Variants in SAMD11 observed in about 807,000 individuals in gnomAD.
The protein encoded by SAMD11 is sterile alpha motif domain containing 11.
Under a neutral mutation model 64.4 loss-of-function variants are expected in SAMD11, and 77 were observed. That is an observed-to-expected ratio of 1.20 (90% CI 0.99 to 1.44). SAMD11 has a LOEUF of 1.44. Ranked by LOEUF, SAMD11 falls within the 40% of genes most tolerant of loss-of-function variation. SAMD11 has a pLI of 0.00. For synonymous variants in SAMD11, 658 were observed against 421.9 expected (o/e 1.56, Z -6.86); for missense variants, 1,402 against 943.3 (o/e 1.49, Z -6.37).
In SAMD11 at chr1:942,127, C is replaced by T. The variant is rs530087426; in HGVS notation, c.1359-9C>T. On this transcript the variant is annotated splice_polypyrimidine_tract_variant and intron_variant, in intron 8 of 13. Coordinates refer to ENST00000616016, the MANE Select transcript of SAMD11 (RefSeq NM_001385641.1). ...GGGGGGACGCCGCTCATTGCGCTGC[C>T]GTCCACAGGGAGCTGCCTCAGCCGC... The T allele has an allele frequency of 8.8e-5, 102 of 1,155,004 alleles. No homozygotes were observed. The East Asian group carries it at 2.2e-3, about 25-fold the overall frequency. 71.5% of individuals were successfully genotyped at this position (1,155,004 alleles called of 1,614,324 possible).
chr1:933,323 C>T lies in SAMD11; in HGVS notation c.842+2234C>T, dbSNP rs563796973. On this transcript the variant is annotated intron_variant, in intron 4 of 13. Coordinates refer to ENST00000616016, the MANE Select transcript of SAMD11 (RefSeq NM_001385641.1). Reference sequence around the variant, plus strand: ...GGGGCCGGGCCAGGCCAGGCTGTGTCGGAACCTCAGGAGCAAACTCCAAGG... The same window carrying T: ...GGGGCCGGGCCAGGCCAGGCTGTGTTGGAACCTCAGGAGCAAACTCCAAGG... 1.2e-3 allele frequency among the ~76,000 whole-genome samples: 186 copies of T among 152,322 alleles called. 1 individual carries two copies. The highest frequency in any genetic ancestry group is 2.2e-3 in the Non-Finnish European group (150 of 68,016).
chr1:930,397 C>T, intron 3 of SAMD11, 61 bp downstream of exon 3: 1 of 1,501,312 alleles, frequency 6.7e-7, no homozygotes, highest in Non-Finnish European at 9.0e-7. Flanking sequence ...AGCTTCAGGC[C>T]TTCAGCTGCT....
intron 4 of SAMD11, among the ~76,000 whole-genome samples, chr1:932,898 G>C (rs1373028120): frequency 6.6e-6 from 1 of 152,244 alleles, no homozygotes; most frequent in Non-Finnish European, 1.5e-5. Flanking sequence ...CTCTCTCCTG[G>C]GCCCCTGAGC....
intron 7 of SAMD11, among the ~76,000 whole-genome samples, chr1:939,818 G>A (rs1014549390): frequency 3.3e-5 from 5 of 152,138 alleles, no homozygotes; most frequent in Non-Finnish European, 7.4e-5. Context: ...TGCCCCAGGA[G>A]CCTGGGGAGG....
At position 943,270 on chromosome 1, in the gene SAMD11, T is replaced by C. The variant is rs1370260720; in HGVS notation, c.2071T>C (p.Ser691Pro). 3 of 1,612,656 alleles carry C rather than the reference T, an allele frequency of 1.9e-6. No homozygotes were observed. The highest frequency in any genetic ancestry group is 2.5e-6 in the Non-Finnish European group (3 of 1,179,818). The change falls in exon 12 of 14, where the codon TCC becomes CCC. Residue 691 changes from serine (S) to proline (P), a missense_variant. Ser to Pro is a moderately conservative substitution (Grantham distance 74). Transcript: ENST00000616016. The stretch of plus-strand genomic sequence containing the variant: ...CAACTCAGGCGCGGTAGGGGGACTC[T>C]CCATGGATGGGGAGGAGGCCCCAGC... ...YFHTGAVGGL[S>P]MDGEEAPAPE...
In SAMD11 at chr1:944,197, C is replaced by T. The variant is rs975246905; in HGVS notation, c.*44C>T. ...TGGGGCCACACAAATCTCCAGGAGC[C>T]ACCACTCAACACAATGGCCCTGCCT... On this transcript the variant is annotated 3_prime_UTR_variant, in exon 14 of 14. Transcript: ENST00000616016. 1.3e-6 allele frequency: 2 copies of T among 1,498,268 alleles called. No homozygotes were observed. The highest frequency in any genetic ancestry group is 1.8e-6 in the Non-Finnish European group (2 of 1,124,380). The allele number at this position is 1,498,268 out of a possible 1,614,324, so 92.8% of individuals were successfully genotyped here.
rs758965779 is a variant in SAMD11 at position 944,064 on chromosome 1, G to A, written c.2446G>A (p.Ala816Thr). 1.5e-5 allele frequency: 24 copies of A among 1,612,528 alleles called. No homozygotes were observed. The highest frequency in any genetic ancestry group is 6.7e-5 in the African/African-American group (5 of 74,880). ...TATSPYGGGH[A>T]LAGQTSPKQE... ...CACGTCCCCCTATGGAGGGGGCCACGCCCTTGCCGGTCAAACTTCACCCAA... is the reference window on the plus strand; with the variant it reads ...CACGTCCCCCTATGGAGGGGGCCACACCCTTGCCGGTCAAACTTCACCCAA... The change falls in exon 14 of 14, where the codon GCC becomes ACC. Residue 816 changes from alanine (A) to threonine (T), a missense_variant. Coordinates refer to ENST00000616016, the MANE Select transcript of SAMD11 (RefSeq NM_001385641.1).
At position 933,985 on chromosome 1, in the gene SAMD11, AGGC is replaced by A. The variant is rs1310072392; in HGVS notation, c.843-1783_843-1781del. ...CTGCTCCGTTACAGGTGGGCAGGGG[AGGC>A]GGCTGCGTTACAGGTGGGCAGGGGA... On this transcript the variant is annotated intron_variant, in intron 4 of 13. Coordinates refer to ENST00000616016, the MANE Select transcript of SAMD11 (RefSeq NM_001385641.1). 8.8e-3 allele frequency among the ~76,000 whole-genome samples: 1,306 copies of A among 148,130 alleles called. 599 individuals carry two copies. The highest frequency in any genetic ancestry group is 0.021 in the African/African-American group (796 of 38,818).
Position 943,044 on chromosome 1 carries a change from C to G in SAMD11, c.2039C>G (p.Pro680Arg). The G allele has an allele frequency of 6.5e-7, 1 of 1,531,898 alleles. No homozygotes were observed. 94.9% of individuals were successfully genotyped at this position (1,531,898 alleles called of 1,614,324 possible). The change falls in exon 11 of 14, where the codon CCC becomes CGC. Residue 680 changes from proline to arginine, a missense_variant. Pro to Arg is a moderately radical substitution (Grantham distance 103). Coordinates refer to ENST00000616016, the MANE Select transcript of SAMD11 (RefSeq NM_001385641.1). ...LPLGFPYAVSPYFHTGAVGGL... is the reference protein window; with the variant it reads ...LPLGFPYAVSRYFHTGAVGGL... ...CTGGGCTTCCCTTATGCCGTCAGCCCCTACTTCCACACAGGTGGGCACCCC... is the reference window on the plus strand; with the variant it reads ...CTGGGCTTCCCTTATGCCGTCAGCCGCTACTTCCACACAGGTGGGCACCCC...
chr1:932,775 A>C (rs1641230157), intron 4 of SAMD11, among the ~76,000 whole-genome samples: 1 of 152,188 alleles, frequency 6.6e-6, no homozygotes, highest in Non-Finnish European at 1.5e-5. Flanking sequence ...CTGGCTCTGC[A>C]GTGACCACCT....
Position 944,363 on chromosome 1 carries a change from C to CG in SAMD11, c.*212dup, listed in dbSNP as rs368317021. On this transcript the variant is annotated 3_prime_UTR_variant, in exon 14 of 14. Coordinates refer to ENST00000616016, the MANE Select transcript of SAMD11 (RefSeq NM_001385641.1). ...GGTGCAGATGGACGAGGTCTGCAGA[C>CG]GGAGGGCAGAGGTGGTGGAAGGGGC... The CG allele has an allele frequency of 2.0e-4, 275 of 1,359,110 alleles. No individual in the cohort carries two copies. The African/African-American group carries it at 3.8e-3, about 19-fold the overall frequency. 84.2% of individuals were successfully genotyped at this position (1,359,110 alleles called of 1,614,324 possible). A position where few individuals can be genotyped will look rare whatever the true frequency, so the allele number is the denominator to read the frequency against.
In SAMD11 at chr1:931,144, C is replaced by CCCTT. The variant is rs879745970; in HGVS notation, c.842+57_842+58insTTCC. On this transcript the variant is annotated intron_variant, in intron 4 of 13. Coordinates refer to ENST00000616016, the MANE Select transcript of SAMD11 (RefSeq NM_001385641.1). ...GGGGCCGTGACTCCCCTCCCTCCCT[C>CCCTT]CCACCCCTGACCGTGCCCTGCTGTC... is the stretch of plus-strand genomic sequence containing the variant. The CCCTT allele has an allele frequency of 2.2e-4, 334 of 1,521,162 alleles. 2 individuals carry two copies. The highest frequency in any genetic ancestry group is 2.8e-4 in the Non-Finnish European group (310 of 1,107,044). The allele number at this position is 1,521,162 out of a possible 1,614,324, so 94.2% of individuals were successfully genotyped here. A position where few individuals can be genotyped will look rare whatever the true frequency, so the allele number is the denominator to read the frequency against.
At chr1:929,235 G>A (rs9988193) in intron 2 of SAMD11, among the ~76,000 whole-genome samples, 3,225 of 152,318 alleles carry the variant, frequency 0.021, 117 homozygotes, top group Admixed American at 0.089. Flanking sequence ...CTCGGGGCTC[G>A]GCTGTGCTCT....
intron 8 of SAMD11, 86 bp from the exon 9 acceptor site, chr1:942,050 T>G: frequency 2.2e-6 from 1 of 451,454 alleles, no homozygotes. Flanking sequence ...GGGCCGGCAA[T>G]TAGCGGAGGC....
intron 2 of SAMD11, among the ~76,000 whole-genome samples, chr1:926,421 C>G (rs1397913007): frequency 6.6e-6 from 1 of 152,188 alleles, no homozygotes; most frequent in Admixed American, 6.5e-5. Flanking sequence ...GATTCTGGGA[C>G]GACAGCATTT....
rs574517367 is a variant in SAMD11 at position 943,045 on chromosome 1, C to T, written c.2040C>T (p.Pro680=). 2.2e-5 allele frequency: 33 copies of T among 1,532,428 alleles called. No homozygotes were observed. The South Asian group carries it at 3.8e-4, about 18-fold the overall frequency. The allele number at this position is 1,532,428 out of a possible 1,614,324, so 94.9% of individuals were successfully genotyped here. Residue 680 remains proline, a synonymous_variant, in exon 11 of 14, where the codon CCC becomes CCT. Transcript: ENST00000616016. ...TGGGCTTCCCTTATGCCGTCAGCCC[C>T]TACTTCCACACAGGTGGGCACCCCC... The part of the protein sequence containing the change: ...LPLGFPYAVS[P]YFHTGAVGGL...
intron 1 of SAMD11, 42 bp from the exon 2 acceptor site, chr1:925,880 C>T (rs1217131058): frequency 2.1e-6 from 3 of 1,448,748 alleles, no homozygotes; most frequent in African/African-American, 1.4e-5. Flanking sequence ...CGCGCAGAAG[C>T]GTGCCGCTCC....
rs1173034140 is a variant in SAMD11 at position 942,888 on chromosome 1, C to A, written c.1883C>A (p.Pro628His). ...LWAQDGSEDE[P>H]PKDSDGEDPE... is the part of the protein sequence containing the mutation. ...GCACAAGATGGCTCGGAAGACGAGC[C>A]CCCCAAAGACTCGGACGGAGAGGAC... The change falls in exon 11 of 14, where the codon CCC becomes CAC. Residue 628 changes from proline (P) to histidine (H), a missense_variant. Physicochemically the swap from Pro to His is moderately conservative, Grantham distance 77. Transcript: ENST00000616016. 1.9e-6 allele frequency: 3 copies of A among 1,555,220 alleles called. No individual in the cohort carries two copies. Among genetic ancestry groups the A allele is most frequent in the Admixed American group, 2.0e-5 (1 of 51,208 alleles).
At chr1:926,773 G>A (rs915779301) in intron 2 of SAMD11, among the ~76,000 whole-genome samples, 7 of 152,186 alleles carry the variant, frequency 4.6e-5, no homozygotes, top group African/African-American at 1.7e-4. Flanking sequence ...TGAAAAGGAA[G>A]AATGCCTGTT....
Sources: allele counts gnomAD v4.1 joint callset (sites outside exome capture counted in the v4.1 genomes callset), GRCh38; gene constraint gnomAD v4.1.1; transcripts MANE v1.5; gene names NCBI Gene and HGNC (gene_info 2026-07-23, HGNC 2026-07-21).